CTNNA3: variants seen among roughly 807,000 people sequenced by gnomAD.
CTNNA3 encodes the protein catenin alpha-3.
In CTNNA3, 76 loss-of-function variants were observed where a neutral mutation model predicts 95.7. The observed-to-expected ratio is 0.79, with a 90% CI of 0.66 to 0.96. The LOEUF is 0.96. Among genes scored for constraint, CTNNA3 ranks in the 40% least tolerant of loss-of-function variants. CTNNA3 has a pLI of 0.00. For missense variants in CTNNA3, 1,191 were observed against 1,089.8 expected, an observed-to-expected ratio of 1.09 and a Z score of -1.31; for synonymous variants, 431 against 374.4, an observed-to-expected ratio of 1.15 and a Z score of -1.74.
chr10:67,065,358 G>A (rs1211484980), intron 7 of CTNNA3, among the ~76,000 whole-genome samples: 2 of 152,116 alleles, frequency 1.3e-5, no homozygotes, highest in Non-Finnish European at 2.9e-5. Context: ...TTATGAAAAT[G>A]AGGAGGCTTT....
At chr10:66,785,528 G>A (rs753180720) in intron 7 of CTNNA3, among the ~76,000 whole-genome samples, 4 of 152,136 alleles carry the variant, frequency 2.6e-5, no homozygotes, top group Middle Eastern at 3.4e-3. Context: ...CTCCTGGTTC[G>A]CAGGCTTTCA....
At chr10:67,073,673 C>T (rs1373758334) in intron 7 of CTNNA3, among the ~76,000 whole-genome samples, 1 of 151,442 alleles carries the variant, frequency 6.6e-6, no homozygotes, top group Non-Finnish European at 1.5e-5. Flanking sequence ...AAGAAGTTAT[C>T]TAGTGAGGTG....
In CTNNA3 at chr10:66,716,928, G is replaced by C. The variant is rs114987756; in HGVS notation, c.1281+49336C>G. 3.0e-3 allele frequency among the ~76,000 whole-genome samples: 458 copies of C among 152,146 alleles called. 4 individuals carry two copies. The highest frequency in any genetic ancestry group is 0.011 in the African/African-American group (443 of 41,516). ...GTTTCTGTGAAGGTATTTTACAGACGTGGTGAGCATTTCTTAATCAACTGA... is the reference window on the plus strand; with the variant it reads ...GTTTCTGTGAAGGTATTTTACAGACCTGGTGAGCATTTCTTAATCAACTGA... On this transcript the variant is annotated intron_variant, in intron 9 of 17. Transcript: ENST00000433211.
chr10:66,633,660 A>G (rs1469197218), intron 9 of CTNNA3, among the ~76,000 whole-genome samples: 1 of 152,124 alleles, frequency 6.6e-6, no homozygotes, highest in Non-Finnish European at 1.5e-5. Flanking sequence ...AGCCTGGGCA[A>G]CAGAGCAAGA....
At chr10:67,247,704 C>A (rs987661583) in intron 5 of CTNNA3, among the ~76,000 whole-genome samples, 2 of 151,990 alleles carry the variant, frequency 1.3e-5, no homozygotes, top group African/African-American at 2.4e-5. Context: ...CTCAGAATAG[C>A]CAAAATTATC....
At chr10:67,026,987 G>A (rs1317436286) in intron 7 of CTNNA3, among the ~76,000 whole-genome samples, 2 of 152,162 alleles carry the variant, frequency 1.3e-5, no homozygotes, top group Non-Finnish European at 2.9e-5. Context: ...TGGGTTCTCA[G>A]AAAATAAATG....
intron 5 of CTNNA3, among the ~76,000 whole-genome samples, chr10:67,313,618 T>C (rs1462461425): frequency 6.6e-6 from 1 of 152,092 alleles, no homozygotes; most frequent in Non-Finnish European, 1.5e-5. Context: ...GAAAAATCAC[T>C]TTTGTGGCAA....
chr10:66,806,756 ATGTGTGTG>A (rs57749652), intron 7 of CTNNA3, among the ~76,000 whole-genome samples: 4,504 of 145,778 alleles, frequency 0.031, 114 homozygotes, highest in East Asian at 0.075. Flanking sequence ...TGTGGCATAT[ATGTGTGTG>A]TGTGTGTGTG....
intron 13 of CTNNA3, among the ~76,000 whole-genome samples, chr10:66,251,066 G>A (rs146067098): frequency 3.5e-4 from 54 of 152,188 alleles, no homozygotes; most frequent in African/African-American, 1.2e-3. Flanking sequence ...CCCTGGCTCT[G>A]CTTGCAGAAC....
intron 5 of CTNNA3, among the ~76,000 whole-genome samples, chr10:67,303,400 C>T (rs1325335440): frequency 6.6e-6 from 1 of 152,124 alleles, no homozygotes; most frequent in Non-Finnish European, 1.5e-5. Context: ...ATCTAGAAGG[C>T]GAGGGAACCA....
At chr10:65,956,620 T>C (rs925570195) in intron 17 of CTNNA3, among the ~76,000 whole-genome samples, 4 of 152,238 alleles carry the variant, frequency 2.6e-5, no homozygotes, top group African/African-American at 9.6e-5. Context: ...AGAACATCTT[T>C]ATTTCTGCCT....
chr10:67,377,510 C>T (rs575736125), intron 5 of CTNNA3, among the ~76,000 whole-genome samples: 5 of 152,174 alleles, frequency 3.3e-5, no homozygotes, highest in East Asian at 3.9e-4. Context: ...TAACATTCAA[C>T]GACTGATTTA....
intron 7 of CTNNA3, among the ~76,000 whole-genome samples, chr10:66,905,921 C>T (rs989353387): frequency 1.3e-5 from 2 of 151,976 alleles, no homozygotes; most frequent in Non-Finnish European, 2.9e-5. Flanking sequence ...CAACATTGTG[C>T]CTATAGTTAA....
chr10:67,759,689 C>T (rs1841452839), intron 1 of CTNNA3, among the ~76,000 whole-genome samples: 1 of 152,124 alleles, frequency 6.6e-6, no homozygotes, highest in African/African-American at 2.4e-5. Context: ...TTATATAAAA[C>T]TCCATTGTAG....
chr10:66,549,885 C>A (rs1396096362), intron 10 of CTNNA3, among the ~76,000 whole-genome samples: 1 of 152,034 alleles, frequency 6.6e-6, no homozygotes, highest in African/African-American at 2.4e-5. Context: ...TATGGCCTGG[C>A]ATAGGATCTA....
At chr10:66,410,283 C>A (rs749564980) in intron 11 of CTNNA3, among the ~76,000 whole-genome samples, 1 of 152,142 alleles carries the variant, frequency 6.6e-6, no homozygotes, top group Non-Finnish European at 1.5e-5. Context: ...GATTGCAGAC[C>A]AGCCTGCTCT....
At chr10:66,853,547 A>G (rs1381168064) in intron 7 of CTNNA3, among the ~76,000 whole-genome samples, 3 of 152,114 alleles carry the variant, frequency 2.0e-5, no homozygotes, top group African/African-American at 7.2e-5. Flanking sequence ...ACACAAACCA[A>G]TGAGCAAGAT....
Position 67,596,639 on chromosome 10 carries a change from T to C in CTNNA3, c.292+10218A>G, listed in dbSNP as rs1435895110. Among the ~76,000 whole-genome samples the C allele has an allele frequency of 2.6e-5, 4 of 152,356 alleles. No individual in the cohort carries two copies. The East Asian group carries it at 7.7e-4, about 29-fold the overall frequency. ...CTAGGGTTTCTGCTGAAAGGTCCAC[T>C]ATTAGCCTGATGGGATTCCCTTTGT... On this transcript the variant is annotated intron_variant, in intron 3 of 17. Coordinates refer to ENST00000433211, the MANE Select transcript of CTNNA3 (RefSeq NM_013266.4).
chr10:66,554,001 A>T lies in CTNNA3; in HGVS notation c.1375-33228T>A, dbSNP rs141663922. ...TTATTGTGTCACTGCTCATTTACCT[A>T]CTTTTTGTTACTCCTCATTTTTTTC... On this transcript the variant is annotated intron_variant, in intron 10 of 17. Transcript: ENST00000433211. Among the ~76,000 whole-genome samples, 394 of 151,924 alleles carry T rather than the reference A, an allele frequency of 2.6e-3. 1 individual carries two copies. Among genetic ancestry groups the T allele is most frequent in the African/African-American group, 8.9e-3 (368 of 41,430 alleles).
Sources: allele counts gnomAD v4.1 joint callset (sites outside exome capture counted in the v4.1 genomes callset), GRCh38; gene constraint gnomAD v4.1.1; transcripts MANE v1.5; gene names NCBI Gene and HGNC (gene_info 2026-07-23, HGNC 2026-07-21).